Variants in XKR9 observed in about 807,000 individuals in gnomAD.
XKR9 encodes XK related 9.
Under a neutral mutation model 32.0 loss-of-function variants are expected in XKR9, and 32 were observed. That is an observed-to-expected ratio of 1.00 (90% CI 0.76 to 1.34). The LOEUF (loss-of-function observed/expected upper bound fraction) is 1.34. Ranked by LOEUF, XKR9 falls within the 40% of genes most tolerant of loss-of-function variation. The probability of loss-of-function intolerance (pLI) is 0.00; values close to 1 mark genes in which losing one functional copy is unlikely to be tolerated. For missense variants in XKR9, 546 were observed against 429.7 expected, an observed-to-expected ratio of 1.27 and a Z score of -2.39; for synonymous variants, 168 against 143.4, an observed-to-expected ratio of 1.17 and a Z score of -1.22.
At chr8:70,800,186 C>T in the XKR9 span, among the ~76,000 whole-genome samples, 21 of 152,084 alleles carry the variant, frequency 1.4e-4, no homozygotes, top group African/African-American at 3.4e-4. Flanking sequence ...TATGTTGAAC[C>T]GACCTTGCAT....
chr8:70,972,644 G>A, the XKR9 span, among the ~76,000 whole-genome samples: 1 of 152,048 alleles, frequency 6.6e-6, no homozygotes, highest in African/African-American at 2.4e-5. Context: ...TCCCTTCTAT[G>A]CCAATTTTAC....
intron 3 of XKR9, among the ~76,000 whole-genome samples, chr8:70,694,777 G>A (rs1276615461): frequency 6.6e-6 from 1 of 152,226 alleles, no homozygotes; most frequent in Non-Finnish European, 1.5e-5. Flanking sequence ...GGCTGTTGCT[G>A]TTCAGCCCCA....
At chr8:70,855,390 G>A in the XKR9 span, among the ~76,000 whole-genome samples, 9 of 152,062 alleles carry the variant, frequency 5.9e-5, no homozygotes, top group East Asian at 1.9e-4. Flanking sequence ...GATGGAAGAC[G>A]AAATGAATGA....
chr8:70,741,329 C>T (rs1190721184), intron 2 of XKR9, among the ~76,000 whole-genome samples: 1 of 152,208 alleles, frequency 6.6e-6, no homozygotes, highest in East Asian at 1.9e-4. Context: ...TGCCCTCTGC[C>T]ATGTTATGAT....
At chr8:71,057,047 G>A in the XKR9 span, among the ~76,000 whole-genome samples, 2 of 152,238 alleles carry the variant, frequency 1.3e-5, no homozygotes, top group Admixed American at 1.3e-4. Context: ...AGATCCTCTA[G>A]AGTCCCCTTC....
At chr8:70,727,479 C>G (rs1031754434) in intron 4 of XKR9, among the ~76,000 whole-genome samples, 5 of 152,044 alleles carry the variant, frequency 3.3e-5, no homozygotes. Context: ...TGGCTCACTG[C>G]AACCTCCGCC....
the XKR9 span, among the ~76,000 whole-genome samples, chr8:70,917,307 G>A: frequency 3.2e-4 from 49 of 152,088 alleles, no homozygotes; most frequent in Admixed American, 1.2e-3. Context: ...TCCTTGTACC[G>A]CTTTTTCTTA....
chr8:70,742,038 A>T (rs952611386), intron 2 of XKR9, among the ~76,000 whole-genome samples: 1 of 150,074 alleles, frequency 6.7e-6, no homozygotes, highest in African/African-American at 2.5e-5. Flanking sequence ...TTTTATTTGG[A>T]TTTCTTTAAT....
chr8:70,806,716 G>A, the XKR9 span, among the ~76,000 whole-genome samples: 1 of 150,670 alleles, frequency 6.6e-6, no homozygotes, highest in Non-Finnish European at 1.5e-5. Flanking sequence ...CAAGACTAGA[G>A]AAAAAAAATG....
intron 2 of XKR9, among the ~76,000 whole-genome samples, chr8:70,679,385 T>C (rs760445386): frequency 6.6e-6 from 1 of 152,228 alleles, no homozygotes; most frequent in African/African-American, 2.4e-5. Context: ...TTATCTTTCT[T>C]GACCTTCACA....
the XKR9 span, among the ~76,000 whole-genome samples, chr8:71,050,296 T>TAG: frequency 3.8e-5 from 5 of 132,366 alleles, no homozygotes; most frequent in East Asian, 5.1e-4. Context: ...GATATAGATA[T>TAG]ATATATAGAT....
chr8:71,007,851 TA>T, the XKR9 span, among the ~76,000 whole-genome samples: 1 of 151,870 alleles, frequency 6.6e-6, no homozygotes, highest in Non-Finnish European at 1.5e-5. Flanking sequence ...GCATACGTAA[TA>T]AAAAAGGGCA....
At chr8:71,000,837 G>A in the XKR9 span, among the ~76,000 whole-genome samples, 1 of 152,188 alleles carries the variant, frequency 6.6e-6, no homozygotes, top group South Asian at 2.1e-4. Flanking sequence ...CAGTGCCATT[G>A]GTCCAGCATC....
chr8:70,814,998 C>G, the XKR9 span, among the ~76,000 whole-genome samples: 2 of 152,082 alleles, frequency 1.3e-5, no homozygotes, highest in Non-Finnish European at 1.5e-5. Context: ...TTTACAATAG[C>G]TACAAAAGAT....
At chr8:70,742,572 G>T (rs1448523142) in intron 2 of XKR9, among the ~76,000 whole-genome samples, 1 of 152,086 alleles carries the variant, frequency 6.6e-6, no homozygotes, top group African/African-American at 2.4e-5. Context: ...TTTTGTATAG[G>T]TTAGGTTTGT....
chr8:70,986,786 T>C, the XKR9 span, among the ~76,000 whole-genome samples: 4 of 152,228 alleles, frequency 2.6e-5, no homozygotes, highest in Admixed American at 6.5e-5. Context: ...TCAGTACTTT[T>C]GATAGACTTT....
chr8:71,048,261 C>T, the XKR9 span, among the ~76,000 whole-genome samples: 12 of 152,302 alleles, frequency 7.9e-5, no homozygotes, highest in African/African-American at 2.9e-4. Context: ...AAGTGCATTT[C>T]TCTCTTTCTC....
intron 2 of XKR9, among the ~76,000 whole-genome samples, chr8:70,755,316 G>T (rs1283364260): frequency 6.6e-6 from 1 of 152,214 alleles, no homozygotes; most frequent in Non-Finnish European, 1.5e-5. Flanking sequence ...TGCTGGGACT[G>T]TAAACTAGTT....
the XKR9 span, among the ~76,000 whole-genome samples, chr8:70,884,614 T>C: frequency 6.6e-6 from 1 of 152,200 alleles, no homozygotes; most frequent in African/African-American, 2.4e-5. Context: ...GGATGTCCAG[T>C]TGTTCTAGAA....
Sources: allele counts gnomAD v4.1 joint callset (sites outside exome capture counted in the v4.1 genomes callset), GRCh38; gene constraint gnomAD v4.1.1; transcripts MANE v1.5; gene names NCBI Gene and HGNC (gene_info 2026-07-23, HGNC 2026-07-21).